The following SDSL variants were observed in gnomAD, a reference collection of about 807,000 sequenced individuals.
SDSL encodes the protein serine dehydratase-like.
Under a neutral mutation model 27.6 loss-of-function variants are expected in SDSL, and 26 were observed. That is an observed-to-expected ratio of 0.94 (90% confidence interval 0.69 to 1.31). SDSL has a LOEUF of 1.31. SDSL is among the 50% of genes most tolerant of loss of function. The probability of loss-of-function intolerance (pLI) is 0.00; values close to 1 mark genes in which losing one functional copy is unlikely to be tolerated. For synonymous variants in SDSL, 196 were observed against 180.6 expected (o/e 1.09, Z -0.69); for missense variants, 431 against 423.5 (o/e 1.02, Z -0.16).
intron 7 of SDSL, chr12:113,437,121 A>G (rs868640547): frequency 3.6e-6 from 1 of 277,010 alleles, no homozygotes. Context: ...CCTGCTCCCT[A>G]TTGGTTTGAT....
rs773384192 is a variant in SDSL at position 113,436,873 on chromosome 12, T to C, written c.794T>C (p.Leu265Pro). Reference sequence around the variant, plus strand: ...GCTGTGAGCGCTGTGCAGCAGCTCCTGGGTGAGTGATCCCTGTCCTCCACC... The same window carrying C: ...GCTGTGAGCGCTGTGCAGCAGCTCCCGGGTGAGTGATCCCTGTCCTCCACC... ...TEAVSAVQQLLDDERMLVEPA... is the reference protein window; with the variant it reads ...TEAVSAVQQLPDDERMLVEPA... Residue 265 changes from leucine (L) to proline (P), a missense_variant and splice_region_variant, in exon 7 of 8, where the codon CTG becomes CCG. Physicochemically the swap from Leu to Pro is moderately conservative, Grantham distance 98. Coordinates refer to ENST00000403593, the MANE Select transcript of SDSL (RefSeq NM_001304993.2). 1.1e-5 allele frequency: 18 copies of C among 1,596,724 alleles called. No individual in the cohort carries two copies. The South Asian group carries it at 2.0e-4, about 18-fold the overall frequency.
At chr12:113,429,449 A>C in intron 4 of SDSL, 150 bp downstream of exon 4, 1 of 902,868 alleles carries the variant, frequency 1.1e-6, no homozygotes. Flanking sequence ...GGGGGGAATG[A>C]GGTGGGATGG....
intron 1 of SDSL, chr12:113,425,555 C>T (rs1226231363): frequency 7.1e-6 from 3 of 422,152 alleles, no homozygotes; most frequent in South Asian, 3.5e-5. Context: ...GGGGACCGGC[C>T]CAGTGCTTTT....
chr12:113,435,594 G>A (rs745898104), intron 6 of SDSL, 38 bp downstream of exon 6: 1 of 1,560,160 alleles, frequency 6.4e-7, no homozygotes, highest in South Asian at 1.2e-5. Flanking sequence ...GGGCTGGAGG[G>A]TGGGTGTGCC....
chr12:113,432,552 G>C (rs1565879376), intron 4 of SDSL, among the ~76,000 whole-genome samples: 1 of 152,078 alleles, frequency 6.6e-6, no homozygotes, highest in Non-Finnish European at 1.5e-5. Context: ...ATGTTGGCCA[G>C]GATGGTCTGG....
intron 6 of SDSL, among the ~76,000 whole-genome samples, chr12:113,436,504 T>C (rs1419696010): frequency 6.6e-6 from 1 of 152,188 alleles, no homozygotes; most frequent in Non-Finnish European, 1.5e-5. Flanking sequence ...GTCAGGCTGG[T>C]CTTGAACTCC....
In SDSL at chr12:113,438,234, T is replaced by C. The variant is rs754988545; in HGVS notation, c.*155T>C. On this transcript the variant is annotated 3_prime_UTR_variant, in exon 8 of 8. Coordinates refer to ENST00000403593, the MANE Select transcript of SDSL (RefSeq NM_001304993.2). ...GGAAGCCCTCCTGGACTGCTTCTTTTGGCTCTCCGACAACTCCGGCCAATA... is the reference window on the plus strand; with the variant it reads ...GGAAGCCCTCCTGGACTGCTTCTTTCGGCTCTCCGACAACTCCGGCCAATA... 17 of 580,354 alleles carry C rather than the reference T, an allele frequency of 2.9e-5. No homozygotes were observed. The highest frequency in any genetic ancestry group is 4.4e-5 in the Non-Finnish European group (15 of 339,588). 36.0% of individuals were successfully genotyped at this position (580,354 alleles called of 1,614,324 possible).
chr12:113,429,051 C>A, intron 3 of SDSL, 109 bp from the exon 4 acceptor site: 1 of 1,300,418 alleles, frequency 7.7e-7, no homozygotes, highest in Non-Finnish European at 1.1e-6. Flanking sequence ...GTCAATGGGG[C>A]ATATGAATGT....
Position 113,438,081 on chromosome 12 carries a change from G to C in SDSL, c.*2G>C, listed in dbSNP as rs1342778475. The C allele has an allele frequency of 6.2e-7, 1 of 1,612,390 alleles. No individual in the cohort carries two copies. ...AAAACCCACCTGGGCCAGGTCTGAG[G>C]GGTCCCATCCTGGCCCCAAAGACCC... On this transcript the variant is annotated 3_prime_UTR_variant, in exon 8 of 8. Transcript: ENST00000403593.
chr12:113,432,178 A>G (rs1957929645), intron 4 of SDSL, among the ~76,000 whole-genome samples: 1 of 151,874 alleles, frequency 6.6e-6, no homozygotes, highest in African/African-American at 2.4e-5. Context: ...GGTGTGAACC[A>G]CTGTGCCTGG....
chr12:113,437,984 C>A lies in SDSL; in HGVS notation c.895C>A (p.Pro299Thr). 1.2e-6 allele frequency: 2 copies of A among 1,614,190 alleles called. No individual in the cohort carries two copies. The highest frequency in any genetic ancestry group is 1.7e-6 in the Non-Finnish European group (2 of 1,179,984). The change falls in exon 8 of 8, where the codon CCT (proline) becomes ACT (threonine). Residue 299 changes from proline to threonine, a missense_variant. Physicochemically the swap from Pro to Thr is conservative, Grantham distance 38. Coordinates refer to ENST00000403593, the MANE Select transcript of SDSL (RefSeq NM_001304993.2). ...RRLQAEGCLP[P>T]SLTSVVVIVC... is the part of the protein sequence containing the mutation. ...GCTCCAGGCCGAGGGCTGCCTGCCCCCTTCCCTGACTTCAGTTGTGGTAAT... is the reference window on the plus strand; with the variant it reads ...GCTCCAGGCCGAGGGCTGCCTGCCCACTTCCCTGACTTCAGTTGTGGTAAT...
At chr12:113,425,882 G>C in intron 1 of SDSL, 1 of 379,892 alleles carries the variant, frequency 2.6e-6, no homozygotes, top group Non-Finnish European at 5.2e-6. Context: ...CCAGTTACTC[G>C]GGAGGCTGAG....
At chr12:113,434,022 C>G in intron 4 of SDSL, 112 bp from the exon 5 acceptor site, 3 of 805,748 alleles carry the variant, frequency 3.7e-6, no homozygotes, top group Non-Finnish European at 6.0e-6. Flanking sequence ...ATCTGCAGGG[C>G]TGTCCCCAGA....
intron 1 of SDSL, chr12:113,425,688 C>G: frequency 2.2e-6 from 1 of 455,926 alleles, no homozygotes; most frequent in Non-Finnish European, 4.4e-6. Flanking sequence ...ACACACAGCT[C>G]CTCGGCTTCA....
chr12:113,430,324 G>A (rs565709987), intron 4 of SDSL, among the ~76,000 whole-genome samples: 1 of 152,364 alleles, frequency 6.6e-6, no homozygotes, highest in South Asian at 2.1e-4. Context: ...CACGGGGGAA[G>A]CACAGGGCAC....
Position 113,437,980 on chromosome 12 carries a change from G to T in SDSL, c.891G>T (p.Leu297=), listed in dbSNP as rs143530274. 22 of 1,614,138 alleles carry T rather than the reference G, an allele frequency of 1.4e-5. No individual in the cohort carries two copies. Among genetic ancestry groups the T allele is most frequent in the Non-Finnish European group, 1.7e-5 (20 of 1,179,974 alleles). ...LLRRLQAEGC[L]PPSLTSVVVI... is the part of the protein sequence containing the mutation. ...GGAGGCTCCAGGCCGAGGGCTGCCTGCCCCCTTCCCTGACTTCAGTTGTGG... is the reference window on the plus strand; with the variant it reads ...GGAGGCTCCAGGCCGAGGGCTGCCTTCCCCCTTCCCTGACTTCAGTTGTGG... Residue 297 remains leucine (L), a synonymous_variant, in exon 8 of 8, where the codon CTG becomes CTT. Transcript: ENST00000403593.
intron 4 of SDSL, among the ~76,000 whole-genome samples, chr12:113,432,034 C>T (rs1291369296): frequency 3.3e-5 from 5 of 151,162 alleles, no homozygotes; most frequent in East Asian, 1.9e-4. Flanking sequence ...GGATTACAGG[C>T]GTAAACTGCT....
At position 113,429,287 on chromosome 12, in the gene SDSL, G is replaced by A; in HGVS notation, c.342G>A (p.Gln114=). The change falls in exon 4 of 8, where the codon CAG becomes CAA. Residue 114 remains glutamine, a synonymous_variant. Transcript: ENST00000403593. ...TGCAGGGGGAGGGGGCCGAGGTTCA[G>A]CTGACTGGAAAGGTAAGGGCTCTGG... ...QRLQGEGAEV[Q]LTGKVWDEAN... is the part of the protein sequence containing the mutation. 8 of 1,610,992 alleles carry A rather than the reference G, an allele frequency of 5.0e-6. No individual in the cohort carries two copies. Among genetic ancestry groups the A allele is most frequent in the Non-Finnish European group, 6.8e-6 (8 of 1,177,574 alleles).
At chr12:113,435,191 T>G in intron 5 of SDSL, 138 bp from the exon 6 acceptor site, 1 of 525,920 alleles carries the variant, frequency 1.9e-6, no homozygotes, top group South Asian at 3.0e-5. Context: ...TCACCGTGGA[T>G]GGGATGGGGA....
Sources: allele counts gnomAD v4.1 joint callset (sites outside exome capture counted in the v4.1 genomes callset), GRCh38; gene constraint gnomAD v4.1.1; transcripts MANE v1.5; gene names NCBI Gene and HGNC (gene_info 2026-07-23, HGNC 2026-07-21).